The following CAMTA1 variants were observed in gnomAD, a reference collection of about 807,000 sequenced individuals.
CAMTA1 encodes the protein calmodulin-binding transcription activator 1.
A neutral mutation model predicts 170.9 loss-of-function variants in CAMTA1; 27 were observed. That is an observed-to-expected ratio of 0.16 (90% CI 0.12 to 0.22). CAMTA1 has a LOEUF of 0.22. Among genes scored for constraint, CAMTA1 ranks in the 10% least tolerant of loss-of-function variants. The pLI is 1.00. For synonymous variants in CAMTA1, 833 were observed against 891.5 expected, an observed-to-expected ratio of 0.93 and a Z score of 1.17; for missense variants, 1,619 against 2,217.2, an observed-to-expected ratio of 0.73 and a Z score of 5.42.
chr1:6,947,178 C>A (rs1687710329), intron 3 of CAMTA1, among the ~76,000 whole-genome samples: 1 of 152,170 alleles, frequency 6.6e-6, no homozygotes. Flanking sequence ...TGTATGTCCA[C>A]CCTTATGCCC....
chr1:6,857,389 C>T (rs968023467), intron 3 of CAMTA1, among the ~76,000 whole-genome samples: 9 of 152,278 alleles, frequency 5.9e-5, no homozygotes, highest in South Asian at 2.1e-4. Context: ...GTAGTGAATA[C>T]GAATTACTTG....
Position 7,737,202 on chromosome 1 carries a change from G to C in CAMTA1, c.3343-53G>C, listed in dbSNP as rs1194444363. Reference sequence around the variant, plus strand: ...AGTTGGCAGCAATGGCAAAAGTCAGGTCTGGTCTTGACCTCTGATTGAGAA... The same window carrying C: ...AGTTGGCAGCAATGGCAAAAGTCAGCTCTGGTCTTGACCTCTGATTGAGAA... On this transcript the variant is annotated intron_variant, in intron 14 of 22. Transcript: ENST00000303635. The C allele has an allele frequency of 7.0e-6, 11 of 1,567,978 alleles. No homozygotes were observed. In the East Asian group the frequency reaches 2.0e-4, roughly 29 times the overall value.
intron 3 of CAMTA1, among the ~76,000 whole-genome samples, chr1:6,889,365 G>C (rs1674022813): frequency 6.6e-6 from 1 of 152,196 alleles, no homozygotes; most frequent in Non-Finnish European, 1.5e-5. Flanking sequence ...TAGTTTCATG[G>C]CAAATAAATC....
At chr1:7,052,042 C>T (rs966114367) in intron 3 of CAMTA1, among the ~76,000 whole-genome samples, 1 of 142,260 alleles carries the variant, frequency 7.0e-6, no homozygotes. Context: ...CTGTGTTCTC[C>T]TCTCGGCCTG....
chr1:7,103,807 C>G (rs922973666), intron 4 of CAMTA1, among the ~76,000 whole-genome samples: 4 of 144,404 alleles, frequency 2.8e-5, no homozygotes, highest in African/African-American at 1.1e-4. Context: ...CGCACATATA[C>G]ATACAACTAC....
chr1:7,020,786 C>T (rs910522038), intron 3 of CAMTA1, among the ~76,000 whole-genome samples: 1 of 152,232 alleles, frequency 6.6e-6, no homozygotes, highest in Non-Finnish European at 1.5e-5. Context: ...GGGACCAGGG[C>T]TGACCCCAAT....
intron 11 of CAMTA1, among the ~76,000 whole-genome samples, chr1:7,726,087 A>G (rs772747186): frequency 6.6e-6 from 1 of 152,272 alleles, no homozygotes; most frequent in Non-Finnish European, 1.5e-5. Flanking sequence ...GACATCATTC[A>G]GAGCTCACTT....
rs143762697 is a variant in CAMTA1, at chr1:7,137,022, C to T, written c.302+45651C>T. Among the ~76,000 whole-genome samples the T allele has an allele frequency of 3.5e-4, 54 of 152,302 alleles. 1 individual carries two copies. Among genetic ancestry groups the T allele is most frequent in the African/African-American group, 1.2e-3 (49 of 41,558 alleles). On this transcript the variant is annotated intron_variant, in intron 4 of 22. Coordinates refer to ENST00000303635, the MANE Select transcript of CAMTA1 (RefSeq NM_015215.4). ...ATCTATCCACCTGAGTGTCAGATAT[C>T]TCGGACTTAAGCGTCTGAACAAGCT... is the stretch of plus-strand genomic sequence containing the variant.
chr1:6,939,400 G>A (rs1686027894), intron 3 of CAMTA1, among the ~76,000 whole-genome samples: 1 of 152,218 alleles, frequency 6.6e-6, no homozygotes, highest in Non-Finnish European at 1.5e-5. Flanking sequence ...CCTCAGTCCA[G>A]AATGTAGAAA....
intron 6 of CAMTA1, among the ~76,000 whole-genome samples, chr1:7,493,455 G>A (rs1335291205): frequency 8.1e-5 from 12 of 148,088 alleles, no homozygotes; most frequent in Non-Finnish European, 1.8e-4. Flanking sequence ...AAACACACGT[G>A]CAAACACACA....
chr1:7,686,236 CTG>C (rs2096256531), intron 11 of CAMTA1, among the ~76,000 whole-genome samples: 2 of 152,176 alleles, frequency 1.3e-5, no homozygotes, highest in Non-Finnish European at 2.9e-5. Flanking sequence ...GCAAAGGAAA[CTG>C]TCAGATGTTG....
intron 22 of CAMTA1, among the ~76,000 whole-genome samples, chr1:7,763,061 T>A (rs929501611): frequency 6.6e-6 from 1 of 152,230 alleles, no homozygotes; most frequent in Non-Finnish European, 1.5e-5. Flanking sequence ...CAGACAAACC[T>A]GGACTCAATT....
rs763196585 is a variant in CAMTA1, at chr1:7,041,233, C to G, written c.235-50071C>G. ...ACGGCCCCGGAGCTGGAGCTTCTACCGAAGGGTTGCCCTCTGTCCCCTTCT... is the reference window on the plus strand; with the variant it reads ...ACGGCCCCGGAGCTGGAGCTTCTACGGAAGGGTTGCCCTCTGTCCCCTTCT... On this transcript the variant is annotated intron_variant, in intron 3 of 22. Coordinates refer to ENST00000303635, the MANE Select transcript of CAMTA1 (RefSeq NM_015215.4). The surrounding 1 kb of genome is among the most constrained non-coding windows in gnomAD (Gnocchi z 5.1). Among the ~76,000 whole-genome samples, 1 of 152,360 alleles carries G rather than the reference C, an allele frequency of 6.6e-6. No individual in the cohort carries two copies. Among genetic ancestry groups the G allele is most frequent in the Non-Finnish European group, 1.5e-5 (1 of 68,040 alleles).
At chr1:6,888,606 C>A (rs554826405) in intron 3 of CAMTA1, among the ~76,000 whole-genome samples, 1 of 152,166 alleles carries the variant, frequency 6.6e-6, no homozygotes, top group South Asian at 2.1e-4. Flanking sequence ...ATCGAGTAAA[C>A]AAGATAAATC....
chr1:7,711,614 T>C (rs768313621), intron 11 of CAMTA1, among the ~76,000 whole-genome samples: 14 of 152,226 alleles, frequency 9.2e-5, no homozygotes, highest in Non-Finnish European at 2.1e-4. Context: ...AATCTTTAAA[T>C]GGATATTGAC....
At chr1:7,490,100 C>T (rs1369456385) in intron 6 of CAMTA1, among the ~76,000 whole-genome samples, 1 of 152,210 alleles carries the variant, frequency 6.6e-6, no homozygotes, top group East Asian at 1.9e-4. Flanking sequence ...AGGAGTGACT[C>T]GGGCATCCTA....
At chr1:7,586,447 T>C (rs1303155786) in intron 6 of CAMTA1, among the ~76,000 whole-genome samples, 1 of 152,128 alleles carries the variant, frequency 6.6e-6, no homozygotes, top group Non-Finnish European at 1.5e-5. Flanking sequence ...TTCTAAACCC[T>C]GCAGCCACAC....
intron 4 of CAMTA1, among the ~76,000 whole-genome samples, chr1:7,187,000 C>T (rs536893776): frequency 6.6e-6 from 1 of 152,016 alleles, no homozygotes; most frequent in African/African-American, 2.4e-5. Context: ...TCAGAGTCTC[C>T]CTGGGAAGTC....
At chr1:7,260,979 G>C (rs1363547044) in intron 5 of CAMTA1, among the ~76,000 whole-genome samples, 1 of 152,176 alleles carries the variant, frequency 6.6e-6, no homozygotes, top group Admixed American at 6.5e-5. Context: ...ACCTCTGCTG[G>C]TTTGCAGCTT....
Sources: allele counts gnomAD v4.1 joint callset (sites outside exome capture counted in the v4.1 genomes callset), GRCh38; gene constraint gnomAD v4.1.1; non-coding constraint Gnocchi (gnomAD v3.1); transcripts MANE v1.5; gene names NCBI Gene and HGNC (gene_info 2026-07-23, HGNC 2026-07-21).